Variants in SLC47A2 observed in about 807,000 individuals in gnomAD.
The protein encoded by SLC47A2 is multidrug and toxin extrusion protein 2.
In SLC47A2, 52 loss-of-function variants were observed where a neutral mutation model predicts 67.7. The ratio of observed to expected loss-of-function variants is 0.77; its 90% CI spans 0.61 to 0.97. The LOEUF is 0.97. Among genes scored for constraint, SLC47A2 ranks in the 50% least tolerant of loss-of-function variants. SLC47A2 has a pLI of 0.00. For missense variants in SLC47A2, 676 were observed against 712.3 expected, an observed-to-expected ratio of 0.95 and a Z score of 0.58; for synonymous variants, 278 against 292.9, an observed-to-expected ratio of 0.95 and a Z score of 0.52.
chr17:19,705,515 G>A lies in SLC47A2; in HGVS notation c.842-12C>T, dbSNP rs1389562222. 2 of 1,580,692 alleles carry A rather than the reference G, an allele frequency of 1.3e-6. No individual in the cohort carries two copies. The highest frequency in any genetic ancestry group is 1.7e-6 in the Non-Finnish European group (2 of 1,164,622). On this transcript the variant is annotated splice_polypyrimidine_tract_variant and intron_variant, in intron 9 of 16. Transcript: ENST00000433844. ...CACACTGAGCAGCCCTAGAGAAGAGGCCCGCCGTGAGTCCGGCCCGCAGCC... is the reference window on the plus strand; with the variant it reads ...CACACTGAGCAGCCCTAGAGAAGAGACCCGCCGTGAGTCCGGCCCGCAGCC...
intron 9 of SLC47A2, 29 bp from the exon 10 acceptor site, chr17:19,705,532 C>T (rs754676558): frequency 2.4e-5 from 38 of 1,600,258 alleles, no homozygotes; most frequent in Middle Eastern, 1.8e-4. Flanking sequence ...GTGAGTCCGG[C>T]CCGCAGCCCC....
At position 19,713,896 on chromosome 17, in the gene SLC47A2, G is replaced by T. The variant is rs150538711; in HGVS notation, c.372C>A (p.Leu124=). 5 of 1,613,710 alleles carry T rather than the reference G, an allele frequency of 3.1e-6. No individual in the cohort carries two copies. The African/African-American group carries it at 6.7e-5, about 22-fold the overall frequency. Residue 124 remains leucine (L), a synonymous_variant, in exon 4 of 17, where the codon CTC becomes CTA. Coordinates refer to ENST00000433844, the MANE Select transcript of SLC47A2 (RefSeq NM_001099646.3). ...RGALVLLLCC[L]PCWALFLNTQ... ...TGTTGAGGAAGAGCGCCCAGCAAGG[G>T]AGGCAGCAGAGGAGCAGGACCAGCG...
At chr17:19,712,512 G>GA (rs1247583233) in intron 5 of SLC47A2, among the ~76,000 whole-genome samples, 191 bp downstream of exon 5, 1 of 152,156 alleles carries the variant, frequency 6.6e-6, no homozygotes, top group East Asian at 1.9e-4. Flanking sequence ...TTTCAAATCA[G>GA]AAAAACATGT....
intron 9 of SLC47A2, among the ~76,000 whole-genome samples, chr17:19,706,250 G>A (rs542486551): frequency 5.3e-5 from 8 of 152,316 alleles, no homozygotes; most frequent in Admixed American, 2.0e-4. Flanking sequence ...GCACACACAA[G>A]GCAGCAGGTG....
At chr17:19,702,287 G>A (rs1002437187) in intron 13 of SLC47A2, 2 of 985,204 alleles carry the variant, frequency 2.0e-6, no homozygotes, top group Non-Finnish European at 2.4e-6. Flanking sequence ...CCAGCCTGGG[G>A]CACAGGTCAA....
Position 19,707,817 on chromosome 17 carries a change from G to A in SLC47A2, c.656C>T (p.Ser219Phe). ...GAGGAAGACGGTCTGTGCAAACTGG[G>A]AGATGATGTTGGCATAGGCGGAGCC... is the stretch of plus-strand genomic sequence containing the variant. Reference protein sequence around the residue: ...VRGSAYANIISQFAQTVFLLL... With the variant: ...VRGSAYANIIFQFAQTVFLLL... The change falls in exon 8 of 17, where the codon TCC becomes TTC. Residue 219 changes from serine to phenylalanine, a missense_variant. Coordinates refer to ENST00000433844, the MANE Select transcript of SLC47A2 (RefSeq NM_001099646.3). The A allele has an allele frequency of 3.7e-6, 6 of 1,604,074 alleles. No individual in the cohort carries two copies. Among genetic ancestry groups the A allele is most frequent in the Non-Finnish European group, 5.1e-6 (6 of 1,175,376 alleles).
In SLC47A2 at chr17:19,678,558, CT is replaced by C. The variant is rs924465366; in HGVS notation, c.*127del. On this transcript the variant is annotated 3_prime_UTR_variant, in exon 17 of 17. Coordinates refer to ENST00000433844, the MANE Select transcript of SLC47A2 (RefSeq NM_001099646.3). ...TCACCACAAGGAATCAGCCAAAGTTCTTTTTTTGAGGAGTGGTTCAAAGTGT... is the reference window on the plus strand; with the variant it reads ...TCACCACAAGGAATCAGCCAAAGTTCTTTTTTGAGGAGTGGTTCAAAGTGT... 1.6e-5 allele frequency: 15 copies of C among 946,610 alleles called. No homozygotes were observed. In the African/African-American group the frequency reaches 1.8e-4, roughly 11 times the overall value. 58.6% of individuals were successfully genotyped at this position (946,610 alleles called of 1,614,324 possible).
At chr17:19,696,862 A>G (rs775117784) in intron 13 of SLC47A2, among the ~76,000 whole-genome samples, 3 of 152,240 alleles carry the variant, frequency 2.0e-5, no homozygotes, top group Non-Finnish European at 4.4e-5. Flanking sequence ...TCAAGTGACA[A>G]CATCTGTTGA....
rs990133517 is a variant in SLC47A2, at chr17:19,698,071, C to T, written c.1164+4534G>A. On this transcript the variant is annotated intron_variant, in intron 13 of 16. Coordinates refer to ENST00000433844, the MANE Select transcript of SLC47A2 (RefSeq NM_001099646.3). The stretch of plus-strand genomic sequence containing the variant: ...CTGCAACAAGAAAGGAAAAGCCATC[C>T]AGCAGCTTGTTTTGTAGATATTGAC... Among the ~76,000 whole-genome samples, 5 of 152,100 alleles carry T rather than the reference C, an allele frequency of 3.3e-5. 1 individual carries two copies. The South Asian group carries it at 8.3e-4, about 25-fold the overall frequency.
At chr17:19,707,031 A>G (rs576286225) in intron 8 of SLC47A2, among the ~76,000 whole-genome samples, 2 of 151,298 alleles carry the variant, frequency 1.3e-5, no homozygotes, top group Admixed American at 1.3e-4. Flanking sequence ...GTTGGTCCCC[A>G]CTCCACCACC....
rs909818067 is a variant in SLC47A2 at position 19,678,763 on chromosome 17, G to A, written c.1624C>T (p.Arg542Cys). Reference sequence around the variant, plus strand: ...GACGCCGCCCCCAGAGCAGCCCCACGGCGGATGACCAGCTGTTTCACTGAT... The same window carrying A: ...GACGCCGCCCCCAGAGCAGCCCCACAGCGGATGACCAGCTGTTTCACTGAT... ...RLSVKQLVIR[R>C]GAALGAASAT... The change falls in exon 17 of 17, where the codon CGT becomes TGT. Residue 542 changes from arginine (R) to cysteine (C), a missense_variant. By Grantham distance (180) the Arg-to-Cys change is radical (BLOSUM62 -3). Coordinates refer to ENST00000433844, the MANE Select transcript of SLC47A2 (RefSeq NM_001099646.3). 19 of 1,613,980 alleles carry A rather than the reference G, an allele frequency of 1.2e-5. No homozygotes were observed. The highest frequency in any genetic ancestry group is 3.3e-5 in the Admixed American group (2 of 60,000).
At chr17:19,699,512 C>G (rs948844569) in intron 13 of SLC47A2, among the ~76,000 whole-genome samples, 2 of 151,888 alleles carry the variant, frequency 1.3e-5, no homozygotes, top group African/African-American at 2.4e-5. Flanking sequence ...TCCCAAGTAG[C>G]GAAGACTATA....
chr17:19,707,674 C>T, intron 8 of SLC47A2, 72 bp downstream of exon 8: 2 of 1,364,550 alleles, frequency 1.5e-6, no homozygotes, highest in Non-Finnish European at 2.0e-6. Context: ...GCCTGCTGAC[C>T]ACCCTGCCCC....
At chr17:19,709,894 T>C (rs906543782) in intron 5 of SLC47A2, among the ~76,000 whole-genome samples, 1 of 152,090 alleles carries the variant, frequency 6.6e-6, no homozygotes, top group East Asian at 1.9e-4. Context: ...AGCCAAAGTA[T>C]GGATTATGTG....
At chr17:19,706,561 A>C (rs1223864693) in intron 9 of SLC47A2, 87 bp downstream of exon 9, 4 of 1,124,852 alleles carry the variant, frequency 3.6e-6, no homozygotes, top group Non-Finnish European at 5.0e-6. Flanking sequence ...GGCTTCTGGG[A>C]TGGGTGAGCC....
chr17:19,687,333 TGGAAA>T (rs1252098999), intron 13 of SLC47A2, among the ~76,000 whole-genome samples: 1 of 151,882 alleles, frequency 6.6e-6, no homozygotes, highest in Non-Finnish European at 1.5e-5. Context: ...CGTCAAAAAG[TGGAAA>T]AACATCTAAT....
At position 19,714,777 on chromosome 17, in the gene SLC47A2, A is replaced by T; in HGVS notation, c.238T>A (p.Cys80Ser). 6.2e-7 allele frequency: 1 copy of T among 1,614,110 alleles called. No homozygotes were observed. Among genetic ancestry groups the T allele is most frequent in the African/African-American group, 1.3e-5 (1 of 75,064 alleles). ...AAACCAACTCCTACAGAAACTCCGC[A>T]GACATTGACAAACTGGCGCCACACA... ...VTLAVAFVNV[C>S]GVSVGVGLSS... The change falls in exon 3 of 17, where the codon TGC (cysteine) becomes AGC (serine). Residue 80 changes from cysteine to serine, a missense_variant. Coordinates refer to ENST00000433844, the MANE Select transcript of SLC47A2 (RefSeq NM_001099646.3).
At chr17:19,688,275 A>G (rs550012511) in intron 13 of SLC47A2, among the ~76,000 whole-genome samples, 9 of 152,312 alleles carry the variant, frequency 5.9e-5, no homozygotes, top group Non-Finnish European at 1.0e-4. Context: ...TATGATTTCA[A>G]TTGATGCTGA....
intron 13 of SLC47A2, among the ~76,000 whole-genome samples, chr17:19,701,167 CAAAAAA>C (rs35086555): frequency 9.2e-5 from 6 of 64,960 alleles, no homozygotes; most frequent in Admixed American, 4.8e-4. Flanking sequence ...GACTCTGTCT[CAAAAAA>C]AAAAAAAAAA....
Sources: allele counts gnomAD v4.1 joint callset (sites outside exome capture counted in the v4.1 genomes callset), GRCh38; gene constraint gnomAD v4.1.1; transcripts MANE v1.5; gene names NCBI Gene and HGNC (gene_info 2026-07-23, HGNC 2026-07-21).